Variants in ZNF254 observed in about 807,000 individuals in gnomAD.
ZNF254 encodes the protein zinc finger protein 254.
A neutral mutation model predicts 12.4 loss-of-function variants in ZNF254; 10 were observed. That is an observed-to-expected ratio of 0.80 (90% CI 0.50 to 1.36). The LOEUF is 1.36. ZNF254 is among the 40% of genes most tolerant of loss of function. The probability of loss-of-function intolerance (pLI) is 0.00; values close to 1 mark genes in which losing one functional copy is unlikely to be tolerated. For missense variants in ZNF254, 996 were observed against 763.9 expected (o/e 1.30, Z -3.58); for synonymous variants, 305 against 253.4 (o/e 1.20, Z -1.93).
In ZNF254 at chr19:24,126,768, T is replaced by C. The variant is rs1419665172; in HGVS notation, c.768T>C (p.His256=). Residue 256 remains histidine (H), a synonymous_variant, in exon 4 of 4, where the codon CAT becomes CAC. Transcript: ENST00000357002. ...AGCAACTCTCAACCCTTACTACACA[T>C]GAAATAATTCATGCTGGAGAGAAAC... ...SPKQLSTLTT[H]EIIHAGEKLY... is the part of the protein sequence containing the mutation. 2 of 1,613,268 alleles carry C rather than the reference T, an allele frequency of 1.2e-6. No individual in the cohort carries two copies. Among genetic ancestry groups the C allele is most frequent in the East Asian group, 2.2e-5 (1 of 44,816 alleles).
chr19:24,090,258 T>TA (rs1210271008), intron 1 of ZNF254, among the ~76,000 whole-genome samples: 1 of 151,656 alleles, frequency 6.6e-6, no homozygotes, highest in Non-Finnish European at 1.5e-5. Context: ...ACTTGCAGAG[T>TA]AAAATGCGCC....
rs191132874 is a variant in ZNF254, at chr19:24,117,467, C to G, written c.254-8787C>G. 1.4e-4 allele frequency among the ~76,000 whole-genome samples: 22 copies of G among 152,266 alleles called. No homozygotes were observed. The East Asian group carries it at 3.3e-3, about 23-fold the overall frequency. On this transcript the variant is annotated intron_variant, in intron 3 of 3. Coordinates refer to ENST00000357002, the MANE Select transcript of ZNF254 (RefSeq NM_203282.4). Reference sequence around the variant, plus strand: ...CTCAGACTGCTGTGCTAGCAATCAGCGAGACTCTGTGGGCGTAGGACCCTC... The same window carrying G: ...CTCAGACTGCTGTGCTAGCAATCAGGGAGACTCTGTGGGCGTAGGACCCTC...
chr19:24,120,265 C>G (rs1974387457), intron 3 of ZNF254, among the ~76,000 whole-genome samples: 2 of 152,114 alleles, frequency 1.3e-5, no homozygotes, highest in Admixed American at 6.6e-5. Flanking sequence ...CTGCATCCCT[C>G]CCACAACATA....
chr19:24,107,023 T>C, intron 3 of ZNF254: 1 of 460,292 alleles, frequency 2.2e-6, no homozygotes, highest in Non-Finnish European at 3.8e-6. Flanking sequence ...CTGAAATGTG[T>C]GAGAGTAGTA....
chr19:24,073,386 A>G (rs1971548837), intron 2 of ZNF254, among the ~76,000 whole-genome samples: 1 of 152,188 alleles, frequency 6.6e-6, no homozygotes, highest in Non-Finnish European at 1.5e-5. Flanking sequence ...ACTCAAATAC[A>G]TGGACTTAGG....
At chr19:24,055,442 C>A (rs1970815100) in intron 2 of ZNF254, among the ~76,000 whole-genome samples, 1 of 151,708 alleles carries the variant, frequency 6.6e-6, no homozygotes, top group African/African-American at 2.4e-5. Context: ...CCATGCCCGG[C>A]TAATTTTTGT....
intron 2 of ZNF254, among the ~76,000 whole-genome samples, chr19:24,051,660 G>T (rs41466148): frequency 0.16 from 24,240 of 152,158 alleles, 2,103 homozygotes; most frequent in Middle Eastern, 0.23. Flanking sequence ...ATATCACTGA[G>T]TCTAACACCT....
rs558855539 is a variant in ZNF254, at chr19:24,123,328, T to G, written c.254-2926T>G. The stretch of plus-strand genomic sequence containing the variant: ...GTAAGACTTCCTTTTTGGCTTAAGA[T>G]GTGGTTTATCAAGTAAAATGTATGA... On this transcript the variant is annotated intron_variant, in intron 3 of 3. Coordinates refer to ENST00000357002, the MANE Select transcript of ZNF254 (RefSeq NM_203282.4). Among the ~76,000 whole-genome samples the G allele has an allele frequency of 4.6e-5, 7 of 152,316 alleles. No individual in the cohort carries two copies. The East Asian group carries it at 1.4e-3, about 29-fold the overall frequency.
intron 3 of ZNF254, among the ~76,000 whole-genome samples, chr19:24,117,605 T>C (rs1974182454): frequency 6.6e-6 from 1 of 152,122 alleles, no homozygotes; most frequent in African/African-American, 2.4e-5. Context: ...GTCACCCCTT[T>C]CTTTGACTAG....
intron 1 of ZNF254, among the ~76,000 whole-genome samples, chr19:24,043,348 ACCT>A (rs1264911778): frequency 6.6e-6 from 1 of 152,018 alleles, no homozygotes; most frequent in Non-Finnish European, 1.5e-5. Flanking sequence ...TGCAACCTTA[ACCT>A]CCTGGGTTCA....
In ZNF254 at chr19:24,078,316, G is replaced by A. The variant is rs575507237; in HGVS notation, c.-93-27624G>A. ...GCCTCCCAAAGTGCTGGGATTAGGG[G>A]CAATTCTTTAAAGACATTTACTTTC... is the stretch of plus-strand genomic sequence containing the variant. On this transcript the variant is annotated intron_variant, in intron 2 of 4. Transcript: ENST00000613065. 9.5e-4 allele frequency among the ~76,000 whole-genome samples: 144 copies of A among 152,304 alleles called. 1 individual carries two copies. Among genetic ancestry groups the A allele is most frequent in the African/African-American group, 3.4e-3 (140 of 41,562 alleles).
rs998146089 is a variant in ZNF254, at chr19:24,054,601, C to T, written c.-94+8322C>T. 1.1e-3 allele frequency among the ~76,000 whole-genome samples: 174 copies of T among 152,304 alleles called. 1 individual carries two copies. Among genetic ancestry groups the T allele is most frequent in the Non-Finnish European group, 5.6e-4 (38 of 68,026 alleles). On this transcript the variant is annotated intron_variant, in intron 2 of 4. Coordinates refer to the ZNF254 transcript ENST00000613065. ...ACACCTCACCAATTATTAGGATTAT[C>T]ACCCTCACACAGGGAAAGAGCCTAT... is the stretch of plus-strand genomic sequence containing the variant.
intron 2 of ZNF254, among the ~76,000 whole-genome samples, chr19:24,070,515 T>G (rs1216950144): frequency 2.6e-5 from 4 of 152,172 alleles, no homozygotes; most frequent in African/African-American, 7.2e-5. Flanking sequence ...GGCTATGATT[T>G]TACTGAGAAG....
At chr19:24,062,106 A>G (rs1236850489) in intron 2 of ZNF254, among the ~76,000 whole-genome samples, 1 of 151,134 alleles carries the variant, frequency 6.6e-6, no homozygotes, top group Middle Eastern at 3.2e-3. Flanking sequence ...AAAAAAAGAA[A>G]AAGAAAAAGG....
chr19:24,052,519 A>G (rs1043219995), intron 2 of ZNF254, among the ~76,000 whole-genome samples: 1 of 152,156 alleles, frequency 6.6e-6, no homozygotes, highest in Non-Finnish European at 1.5e-5. Context: ...AGATTGTGGC[A>G]AATCACCGGT....
At chr19:24,045,229 T>G (rs1970333545) in intron 1 of ZNF254, among the ~76,000 whole-genome samples, 1 of 152,156 alleles carries the variant, frequency 6.6e-6, no homozygotes, top group Non-Finnish European at 1.5e-5. Context: ...GTTTATCACT[T>G]TGTGATAGTT....
intron 2 of ZNF254, chr19:24,066,364 C>T (rs1971269748): frequency 6.6e-6 from 1 of 152,184 alleles, no homozygotes. Context: ...CACCCAACAC[C>T]TAGCTTATGT....
Position 24,126,011 on chromosome 19 carries a change from T to G in ZNF254, c.254-243T>G, listed in dbSNP as rs565957339. Among the ~76,000 whole-genome samples the G allele has an allele frequency of 1.9e-4, 29 of 152,254 alleles. No individual in the cohort carries two copies. The South Asian group carries it at 4.1e-3, about 22-fold the overall frequency. ...CAGACTTTTCTTTTTCTTCTTTGTG[T>G]TTTTTTGCATTGTGCTCACCTGGGA... is the stretch of plus-strand genomic sequence containing the variant. On this transcript the variant is annotated intron_variant, in intron 3 of 3. Coordinates refer to ENST00000357002, the MANE Select transcript of ZNF254 (RefSeq NM_203282.4).
chr19:24,080,114 G>A (rs539464637), intron 2 of ZNF254: 4 of 152,196 alleles, frequency 2.6e-5, no homozygotes, highest in African/African-American at 4.8e-5. Flanking sequence ...CTCTGGAACA[G>A]CTTTGGATAT....
Sources: allele counts gnomAD v4.1 joint callset (sites outside exome capture counted in the v4.1 genomes callset), GRCh38; gene constraint gnomAD v4.1.1; transcripts MANE v1.5; gene names NCBI Gene and HGNC (gene_info 2026-07-23, HGNC 2026-07-21).